RECQL5: variants seen among roughly 807,000 people sequenced by gnomAD.
RECQL5 encodes ATP-dependent DNA helicase Q5.
Under a neutral mutation model 103.4 loss-of-function variants are expected in RECQL5, and 88 were observed. The observed-to-expected ratio is 0.85, with a 90% confidence interval of 0.72 to 1.02. RECQL5 has a LOEUF of 1.02. RECQL5 is among the 50% of genes least tolerant of loss of function. The pLI, the probability that RECQL5 is intolerant of heterozygous loss-of-function variation, is 0.00. For synonymous variants in RECQL5, 552 were observed against 507.9 expected (o/e 1.09, Z -1.17); for missense variants, 1,232 against 1,284.3 (o/e 0.96, Z 0.62).
chr17:75,667,052 G>A lies in RECQL5; in HGVS notation c.-23C>T. ...TCTTCACCCTAAGATATCAGAACCG[G>A]CCGTGGTCCGCCCAAGAATTAAAGG... On this transcript the variant is annotated 5_prime_UTR_variant, in exon 1 of 20. Coordinates refer to ENST00000317905, the MANE Select transcript of RECQL5 (RefSeq NM_004259.7). The A allele has an allele frequency of 2.9e-6, 1 of 339,922 alleles. No homozygotes were observed. 21.1% of individuals were successfully genotyped at this position (339,922 alleles called of 1,614,324 possible). A position where few individuals can be genotyped will look rare whatever the true frequency, so the allele number is the denominator to read the frequency against.
At chr17:75,641,070 G>T in intron 8 of RECQL5, 1 of 1,204,506 alleles carries the variant, frequency 8.3e-7, no homozygotes, top group Non-Finnish European at 1.1e-6. Flanking sequence ...AGGAAACAAG[G>T]GCTGGTATAG....
rs1018475051 is a variant in RECQL5, at chr17:75,640,113, G to A, written c.1230-8445C>T. ...TGCGAGGGTGGAATCTCGGTGCTGC[G>A]ACGAGTGTGGGGCCAGCCGTGGAGG... On this transcript the variant is annotated intron_variant, in intron 8 of 19. Transcript: ENST00000317905. The surrounding 1 kb of genome is among the most constrained non-coding windows in gnomAD (Gnocchi z 4.6). 1.0e-5 allele frequency: 15 copies of A among 1,438,826 alleles called. No homozygotes were observed. Among genetic ancestry groups the A allele is most frequent in the East Asian group, 1.0e-4 (4 of 39,706 alleles). The allele number at this position is 1,438,826 out of a possible 1,614,324, so 89.1% of individuals were successfully genotyped here. A position where few individuals can be genotyped will look rare whatever the true frequency, so the allele number is the denominator to read the frequency against.
intron 8 of RECQL5, chr17:75,647,243 T>C: frequency 1.4e-6 from 1 of 724,444 alleles, no homozygotes; most frequent in South Asian, 1.9e-5. Context: ...TCATGTCCCC[T>C]GGCTGCCAGG....
Position 75,628,990 on chromosome 17 carries a change from G to C in RECQL5, c.2433C>G (p.Ala811=). ...GGGGAGGGGCAGGCGAATGTCCCCC[G>C]GCTCCATCTTCCTCCCCTGTGTACT... ...PEKYTGEEDG[A]GGHSPAPPQT... Residue 811 remains alanine (A), a synonymous_variant, in exon 16 of 20, where the codon GCC becomes GCG. Transcript: ENST00000317905. The C allele has an allele frequency of 1.3e-6, 2 of 1,563,064 alleles. No homozygotes were observed. Among genetic ancestry groups the C allele is most frequent in the Non-Finnish European group, 1.7e-6 (2 of 1,157,554 alleles).
chr17:75,631,784 G>A (rs989403982), intron 8 of RECQL5, 116 bp from the exon 9 acceptor site: 3 of 1,052,440 alleles, frequency 2.9e-6, no homozygotes, highest in African/African-American at 1.6e-5. Flanking sequence ...ACCATGCCGG[G>A]AGCCCCACAC....
In RECQL5 at chr17:75,661,035, C is replaced by T. The variant is rs1196673619; in HGVS notation, c.906G>A (p.Gln302=). The change falls in exon 6 of 20, where the codon CAG becomes CAA. Residue 302 remains glutamine (Q), a synonymous_variant. Coordinates refer to ENST00000317905, the MANE Select transcript of RECQL5 (RefSeq NM_004259.7). ...GLKASERTLV[Q]NDWMEEKVPV... ...GGACCTTCTCCTCCATCCAGTCGTT[C>T]TGCACCAGCGTTCTTTCAGAGGCCT... The T allele has an allele frequency of 6.2e-7, 1 of 1,614,230 alleles. No homozygotes were observed. Among genetic ancestry groups the T allele is most frequent in the Non-Finnish European group, 8.5e-7 (1 of 1,180,034 alleles).
intron 2 of RECQL5, among the ~76,000 whole-genome samples, chr17:75,665,858 C>A (rs1427520171): frequency 6.6e-6 from 1 of 152,284 alleles, no homozygotes; most frequent in African/African-American, 2.4e-5. Flanking sequence ...TATTACATTG[C>A]TGCTCGCCTC....
intron 8 of RECQL5, chr17:75,637,806 C>CA (rs1399076523): frequency 6.6e-5 from 10 of 152,444 alleles, no homozygotes; most frequent in Admixed American, 6.5e-4. Context: ...GCAGTACCCT[C>CA]AGCGGGGCTG....
In RECQL5 at chr17:75,660,938, C is replaced by T; in HGVS notation, c.986+17G>A. 1.3e-6 allele frequency: 2 copies of T among 1,592,214 alleles called. No homozygotes were observed. The highest frequency in any genetic ancestry group is 1.7e-6 in the Non-Finnish European group (2 of 1,160,096). ...CCAGGCCCAGACCAGGAGGGCAGGG[C>T]AAGAACCAAAGCTCACCTGACATTG... On this transcript the variant is annotated intron_variant, in intron 6 of 19. Coordinates refer to ENST00000317905, the MANE Select transcript of RECQL5 (RefSeq NM_004259.7).
intron 8 of RECQL5, chr17:75,637,762 G>A (rs2059353373): frequency 1.3e-5 from 2 of 152,304 alleles, no homozygotes; most frequent in Admixed American, 6.5e-5. Flanking sequence ...GGGGGCTCTC[G>A]GGCCCTGGCT....
chr17:75,647,518 C>G, intron 8 of RECQL5: 1 of 1,550,378 alleles, frequency 6.5e-7, no homozygotes, highest in African/African-American at 1.4e-5. Context: ...GTTTGGTTTA[C>G]TCACTTCCAC....
Position 75,647,498 on chromosome 17 carries a change from T to C in RECQL5, c.1229+3688A>G, listed in dbSNP as rs1304127048. 12 of 1,550,268 alleles carry C rather than the reference T, an allele frequency of 7.7e-6. 1 individual carries two copies. The South Asian group carries it at 1.4e-4, about 18-fold the overall frequency. ...ACCGCTGTCCTGCTTCTCATCTTAT[T>C]TGCCATCGTGTTTGGTTTACTCACT... On this transcript the variant is annotated intron_variant, in intron 8 of 19. Transcript: ENST00000317905.
intron 7 of RECQL5, among the ~76,000 whole-genome samples, chr17:75,653,663 C>T (rs562883070): frequency 6.6e-6 from 1 of 152,138 alleles, no homozygotes; most frequent in Non-Finnish European, 1.5e-5. Context: ...CTTTGGGAGG[C>T]TGAGGTAGGT....
At chr17:75,666,360 G>C in intron 2 of RECQL5, 68 bp downstream of exon 2, 1 of 1,560,406 alleles carries the variant, frequency 6.4e-7, no homozygotes, top group Non-Finnish European at 8.8e-7. Context: ...GTGAGGAGGA[G>C]GGTGTTCTGC....
Position 75,640,780 on chromosome 17 carries a change from C to A in RECQL5, c.1230-9112G>T. 1 of 1,549,396 alleles carries A rather than the reference C, an allele frequency of 6.5e-7. No individual in the cohort carries two copies. Among genetic ancestry groups the A allele is most frequent in the Non-Finnish European group, 8.7e-7 (1 of 1,146,292 alleles). ...CCAACCTGAGTCCCGTGCTCTCTCC[C>A]GGCCCTCCAGCTACTGTTCTGCTGT... On this transcript the variant is annotated intron_variant, in intron 8 of 19. Transcript: ENST00000317905. The surrounding 1 kb of genome is among the most constrained non-coding windows in gnomAD (Gnocchi z 4.6).
chr17:75,627,979 A>G (rs2059130908), intron 18 of RECQL5, among the ~76,000 whole-genome samples: 1 of 150,468 alleles, frequency 6.6e-6, no homozygotes, highest in Non-Finnish European at 1.5e-5. Flanking sequence ...AAATCGCACC[A>G]CTGCACTCCA....
In RECQL5 at chr17:75,658,423, C is replaced by A; in HGVS notation, c.1024G>T (p.Gly342Trp). ...GCCCGGCCAGACTCCTGGTAGTACC[C>A]AGCCATAGACTTGGCAATATTCCAA... is the stretch of plus-strand genomic sequence containing the variant. ...AHWNIAKSMA[G>W]YYQESGRAGR... Residue 342 changes from glycine to tryptophan, a missense_variant, in exon 7 of 20, where the codon GGG (glycine) becomes TGG (tryptophan). Physicochemically the swap from Gly to Trp is radical, Grantham distance 184 (BLOSUM62 -2). Transcript: ENST00000317905. 3 of 1,613,974 alleles carry A rather than the reference C, an allele frequency of 1.9e-6. No individual in the cohort carries two copies. Among genetic ancestry groups the A allele is most frequent in the Non-Finnish European group, 2.5e-6 (3 of 1,179,906 alleles).
chr17:75,630,534 A>G, intron 13 of RECQL5, 85 bp downstream of exon 13: 1 of 1,446,510 alleles, frequency 6.9e-7, no homozygotes, highest in South Asian at 1.2e-5. Flanking sequence ...AGGTGGCCCA[A>G]ACAGGCCAGG....
At chr17:75,647,259 C>T (rs2059499661) in intron 8 of RECQL5, 13 of 877,558 alleles carry the variant, frequency 1.5e-5, no homozygotes, top group South Asian at 9.0e-5. Context: ...CCAGGCGGGC[C>T]GGCTGCTCAC....
Sources: allele counts gnomAD v4.1 joint callset (sites outside exome capture counted in the v4.1 genomes callset), GRCh38; gene constraint gnomAD v4.1.1; non-coding constraint Gnocchi (gnomAD v3.1); transcripts MANE v1.5; gene names NCBI Gene and HGNC (gene_info 2026-07-23, HGNC 2026-07-21).